Variants in EVA1C observed in about 807,000 individuals in gnomAD.
EVA1C encodes protein eva-1 homolog C.
EVA1C carries 25 observed loss-of-function variants against 45.4 expected under a neutral mutation model. The observed-to-expected ratio is 0.55, with a 90% CI of 0.40 to 0.77. The LOEUF (loss-of-function observed/expected upper bound fraction) is 0.77. EVA1C is among the 30% of genes least tolerant of loss of function. EVA1C has a pLI of 0.00. For synonymous variants in EVA1C, 190 were observed against 221.2 expected (o/e 0.86, Z 1.25); for missense variants, 479 against 554.8 (o/e 0.86, Z 1.37).
chr21:32,477,967 C>A (rs1490891069), intron 4 of EVA1C, among the ~76,000 whole-genome samples: 1 of 138,858 alleles, frequency 7.2e-6, no homozygotes, highest in African/African-American at 2.7e-5. Context: ...CTGCCATACG[C>A]TGTCCCCTCC....
intron 7 of EVA1C, among the ~76,000 whole-genome samples, chr21:32,513,460 T>C (rs1374772584): frequency 6.7e-6 from 1 of 148,536 alleles, no homozygotes; most frequent in Non-Finnish European, 1.5e-5. Flanking sequence ...ATTACAGGCG[T>C]GAGCCACCGT....
At chr21:32,431,082 G>A (rs543215740) in intron 1 of EVA1C, among the ~76,000 whole-genome samples, 1 of 152,224 alleles carries the variant, frequency 6.6e-6, no homozygotes, top group South Asian at 2.1e-4. Context: ...CACAACATGT[G>A]GTGATTATGG....
Position 32,413,031 on chromosome 21 carries a change from G to C in EVA1C, c.160+18G>C. On this transcript the variant is annotated intron_variant, in intron 1 of 7. Transcript: ENST00000300255. The stretch of plus-strand genomic sequence containing the variant: ...CTTCTCTGGTAAGAGCGCCCTCCCT[G>C]GCTGTGTGCCCCCGGCACCGCGGAG... The C allele has an allele frequency of 7.2e-7, 1 of 1,384,234 alleles. No homozygotes were observed. The allele number at this position is 1,384,234 out of a possible 1,614,324, so 85.7% of individuals were successfully genotyped here.
chr21:32,483,628 C>T (rs914226939), intron 4 of EVA1C, among the ~76,000 whole-genome samples: 2 of 152,158 alleles, frequency 1.3e-5, no homozygotes, highest in Non-Finnish European at 2.9e-5. Flanking sequence ...TTGGAGCATC[C>T]TTTCTCAGCA....
At chr21:32,461,550 TC>T (rs2035997419) in intron 3 of EVA1C, among the ~76,000 whole-genome samples, 1 of 152,192 alleles carries the variant, frequency 6.6e-6, no homozygotes, top group African/African-American at 2.4e-5. Flanking sequence ...ACTGTGATTG[TC>T]CAAAGGCTGC....
intron 4 of EVA1C, among the ~76,000 whole-genome samples, chr21:32,486,830 C>A (rs981008276): frequency 1.3e-5 from 2 of 152,004 alleles, no homozygotes; most frequent in African/African-American, 4.8e-5. Flanking sequence ...TAGCCCTGTC[C>A]CTTTCAGTGG....
chr21:32,469,758 A>G (rs778599333), intron 4 of EVA1C, among the ~76,000 whole-genome samples: 1 of 152,192 alleles, frequency 6.6e-6, no homozygotes, highest in African/African-American at 2.4e-5. Flanking sequence ...TCTGTGTTGC[A>G]GCCTTGAGGA....
Position 32,510,713 on chromosome 21 carries a change from ATGAAAG to A in EVA1C, c.950-4093_950-4088del, listed in dbSNP as rs2037918743. ...TTTCACAAGGTTGAAAGACATCTTA[ATGAAAG>A]TGAAAGTACAAGGCACTTACCAGGA... On this transcript the variant is annotated intron_variant, in intron 7 of 7. Coordinates refer to ENST00000300255, the MANE Select transcript of EVA1C (RefSeq NM_058187.5). Among the ~76,000 whole-genome samples the A allele has an allele frequency of 6.6e-5, 10 of 152,286 alleles. No homozygotes were observed. In the South Asian group the frequency reaches 2.1e-3, roughly 32 times the overall value.
intron 1 of EVA1C, among the ~76,000 whole-genome samples, chr21:32,427,094 G>A (rs893458594): frequency 6.6e-6 from 1 of 152,116 alleles, no homozygotes; most frequent in African/African-American, 2.4e-5. Flanking sequence ...TCTCATTCCT[G>A]CTCACTTTGG....
At chr21:32,473,349 A>G (rs892872095) in intron 4 of EVA1C, among the ~76,000 whole-genome samples, 3 of 152,078 alleles carry the variant, frequency 2.0e-5, no homozygotes, top group Admixed American at 6.5e-5. Context: ...GAAAGGGACC[A>G]TTGTCGGGCC....
chr21:32,504,238 CTATT>C (rs1244632520), intron 7 of EVA1C, among the ~76,000 whole-genome samples: 1 of 152,210 alleles, frequency 6.6e-6, no homozygotes, highest in Non-Finnish European at 1.5e-5. Context: ...CAAAGTCACA[CTATT>C]TAGGAGTTGA....
At chr21:32,440,463 T>C (rs1047909240) in intron 1 of EVA1C, among the ~76,000 whole-genome samples, 30 of 152,236 alleles carry the variant, frequency 2.0e-4, no homozygotes, top group Admixed American at 1.9e-3. Flanking sequence ...TTCATTTTTA[T>C]AGGATTGAAG....
chr21:32,448,038 C>T (rs977448631), intron 1 of EVA1C, among the ~76,000 whole-genome samples: 1 of 152,172 alleles, frequency 6.6e-6, no homozygotes, highest in Non-Finnish European at 1.5e-5. Context: ...TCCGAACAAG[C>T]TTCTGTCCCC....
In EVA1C at chr21:32,515,221, T is replaced by C; in HGVS notation, c.*31T>C. Reference sequence around the variant, plus strand: ...ACATGCATCTTGATGCGATCGCACTTTCTGAAGAAGGAAGGATCCCAAATG... The same window carrying C: ...ACATGCATCTTGATGCGATCGCACTCTCTGAAGAAGGAAGGATCCCAAATG... On this transcript the variant is annotated 3_prime_UTR_variant, in exon 8 of 8. Coordinates refer to ENST00000300255, the MANE Select transcript of EVA1C (RefSeq NM_058187.5). 6.5e-7 allele frequency: 1 copy of C among 1,531,900 alleles called. No homozygotes were observed. Among genetic ancestry groups the C allele is most frequent in the Non-Finnish European group, 8.8e-7 (1 of 1,136,912 alleles). 94.9% of individuals were successfully genotyped at this position (1,531,900 alleles called of 1,614,324 possible).
rs781488822 is a variant in EVA1C at position 32,496,884 on chromosome 21, T to C, written c.778+1714T>C. 6.2e-4 allele frequency: 664 copies of C among 1,077,350 alleles called. 5 individuals are homozygous for C. Among genetic ancestry groups the C allele is most frequent in the Middle Eastern group, 2.6e-4 (1 of 3,866 alleles). The allele number at this position is 1,077,350 out of a possible 1,614,324, so 66.7% of individuals were successfully genotyped here. On this transcript the variant is annotated intron_variant, in intron 5 of 7. Transcript: ENST00000300255. ...AATCTGGAGATATATTCAGAGTTGA[T>C]GTTGGAGGGAGTGAGCCAGTTTCTT...
chr21:32,510,074 T>A (rs1425082879), intron 7 of EVA1C, among the ~76,000 whole-genome samples: 1 of 130,876 alleles, frequency 7.6e-6, no homozygotes, highest in African/African-American at 3.0e-5. Flanking sequence ...TGAAACAGAG[T>A]CTTTCTTGGT....
intron 7 of EVA1C, among the ~76,000 whole-genome samples, chr21:32,507,508 C>T (rs890473386): frequency 1.4e-5 from 2 of 141,378 alleles, no homozygotes; most frequent in African/African-American, 5.3e-5. Flanking sequence ...GTGTCTGTAT[C>T]TGTGTGCATG....
chr21:32,485,204 A>G (rs915215275), intron 4 of EVA1C, among the ~76,000 whole-genome samples: 1 of 151,712 alleles, frequency 6.6e-6, no homozygotes, highest in African/African-American at 2.4e-5. Flanking sequence ...TTTTTTTGAA[A>G]TAGTCTCACT....
At position 32,514,890 on chromosome 21, in the gene EVA1C, C is replaced by G; in HGVS notation, c.1026C>G (p.Val342=). ...IGLALTLCAL[V]IRESCAKDFR... Reference sequence around the variant, plus strand: ...TGGCCCTCACACTGTGCGCCCTGGTCATCAGAGAGTCCTGTGCCAAGGACT... The same window carrying G: ...TGGCCCTCACACTGTGCGCCCTGGTGATCAGAGAGTCCTGTGCCAAGGACT... Residue 342 remains valine, a synonymous_variant, in exon 8 of 8, where the codon GTC becomes GTG. Coordinates refer to ENST00000300255, the MANE Select transcript of EVA1C (RefSeq NM_058187.5). 1 of 1,613,746 alleles carries G rather than the reference C, an allele frequency of 6.2e-7. No homozygotes were observed. The highest frequency in any genetic ancestry group is 1.7e-5 in the Admixed American group (1 of 60,002).
Sources: gnomAD v4.1 joint callset for allele counts (sites outside exome capture counted in the v4.1 genomes callset) on GRCh38, gnomAD v4.1.1 for gene constraint, MANE v1.5 for transcripts, NCBI Gene and HGNC (gene_info 2026-07-23, HGNC 2026-07-21) for gene names.